The following NCOA7 variants were observed in gnomAD, a reference collection of about 807,000 sequenced individuals.
NCOA7 encodes 140 kDa estrogen receptor-associated protein.
In NCOA7, 45 loss-of-function variants were observed where a neutral mutation model predicts 104.3. The ratio of observed to expected loss-of-function variants is 0.43; its 90% CI spans 0.34 to 0.55. The LOEUF is 0.55. NCOA7 is among the 20% of genes least tolerant of loss of function. The pLI, the probability that NCOA7 is intolerant of heterozygous loss-of-function variation, is 0.02. For synonymous variants in NCOA7, 398 were observed against 402.3 expected (o/e 0.99, Z 0.13); for missense variants, 1,041 against 1,119.7 (o/e 0.93, Z 1.00).
intron 3 of NCOA7, among the ~76,000 whole-genome samples, chr6:125,869,089 C>A (rs745617878): frequency 3.9e-5 from 6 of 152,166 alleles, no homozygotes; most frequent in African/African-American, 7.2e-5. Context: ...CTTCCTATAT[C>A]TAAGTAGAAA....
chr6:125,921,623 T>G (rs553393823), intron 12 of NCOA7, among the ~76,000 whole-genome samples: 2 of 152,108 alleles, frequency 1.3e-5, no homozygotes, highest in Non-Finnish European at 2.9e-5. Context: ...AAAAAGCCAT[T>G]TCTAATCTTA....
At chr6:125,842,649 CAAT>C (rs1248870851) in intron 2 of NCOA7, among the ~76,000 whole-genome samples, 1 of 152,098 alleles carries the variant, frequency 6.6e-6, no homozygotes, top group African/African-American at 2.4e-5. Context: ...GGATTATAAA[CAAT>C]GATGAACTGA....
intron 2 of NCOA7, among the ~76,000 whole-genome samples, chr6:125,830,955 A>G (rs981705423): frequency 2.6e-5 from 4 of 151,936 alleles, no homozygotes; most frequent in Admixed American, 2.0e-4. Context: ...TTGAAGCCTG[A>G]TTTTTAACAT....
At chr6:125,901,431 A>G (rs1785490575) in intron 10 of NCOA7, among the ~76,000 whole-genome samples, 1 of 152,182 alleles carries the variant, frequency 6.6e-6, no homozygotes, top group Admixed American at 6.5e-5. Context: ...GAGATGAGAG[A>G]GTTCCCTTGA....
intron 10 of NCOA7, chr6:125,900,041 A>C (rs1212748919): frequency 1.9e-6 from 1 of 533,154 alleles, no homozygotes; most frequent in Admixed American, 1.9e-5. Context: ...CAGAAACAGT[A>C]ATGATTGCAA....
intron 2 of NCOA7, among the ~76,000 whole-genome samples, chr6:125,830,278 G>A (rs1014938086): frequency 2.6e-5 from 4 of 151,992 alleles, no homozygotes; most frequent in Admixed American, 6.5e-5. Context: ...GATGAGTATC[G>A]TACCTTTCCA....
intron 13 of NCOA7, 152 bp downstream of exon 13, chr6:125,922,986 T>C: frequency 1.5e-6 from 1 of 681,896 alleles, no homozygotes; most frequent in African/African-American, 1.8e-5. Context: ...TTTTCTCTGC[T>C]GAAATATTTT....
chr6:125,785,211 G>A (rs1015264127), intron 1 of NCOA7, among the ~76,000 whole-genome samples: 17 of 152,114 alleles, frequency 1.1e-4, no homozygotes, highest in East Asian at 1.9e-4. Flanking sequence ...GGTGGTGGGC[G>A]CCTGTAATCG....
chr6:125,870,178 A>C (rs761178150), intron 3 of NCOA7, among the ~76,000 whole-genome samples: 2 of 152,098 alleles, frequency 1.3e-5, no homozygotes, highest in Non-Finnish European at 2.9e-5. Flanking sequence ...CACATTTTTG[A>C]AACCTCATTT....
Position 125,885,244 on chromosome 6 carries a change from G to A in NCOA7, c.785G>A (p.Gly262Glu). ...TCTGATCCTCTGGTTATTGAAAATG[G>A]GTGTGAGGAGTATGGTCTCATCTGC... is the stretch of plus-strand genomic sequence containing the variant. ...HKSDPLVIEN[G>E]CEEYGLICPM... The change falls in exon 8 of 16, where the codon GGG becomes GAG. Residue 262 changes from glycine to glutamate, a missense_variant. Physicochemically the swap from Gly to Glu is moderately conservative, Grantham distance 98. Coordinates refer to ENST00000392477, the MANE Select transcript of NCOA7 (RefSeq NM_181782.5). The A allele has an allele frequency of 1.2e-6, 2 of 1,614,020 alleles. No homozygotes were observed. The highest frequency in any genetic ancestry group is 1.7e-5 in the Admixed American group (1 of 60,010).
intron 10 of NCOA7, among the ~76,000 whole-genome samples, chr6:125,895,993 G>A (rs958994809): frequency 6.8e-5 from 10 of 147,126 alleles, no homozygotes; most frequent in African/African-American, 2.5e-4. Flanking sequence ...GTGTGTGTCT[G>A]TGTGTGTATA....
intron 6 of NCOA7, among the ~76,000 whole-genome samples, chr6:125,882,149 C>T (rs1456661197): frequency 2.0e-5 from 3 of 152,144 alleles, no homozygotes; most frequent in African/African-American, 7.2e-5. Flanking sequence ...CCACCACACC[C>T]AGCCCATTTA....
At chr6:125,787,906 A>G (rs1432035070), upstream of NCOA7, among the ~76,000 whole-genome samples, 1 of 152,198 alleles carries the variant, frequency 6.6e-6, no homozygotes, top group Non-Finnish European at 1.5e-5. Context: ...CACCCTATAA[A>G]GTTGGTACTG....
Position 125,881,186 on chromosome 6 carries a change from G to A in NCOA7, c.556G>A (p.Glu186Lys). The A allele has an allele frequency of 6.2e-7, 1 of 1,611,386 alleles. No individual in the cohort carries two copies. The highest frequency in any genetic ancestry group is 8.5e-7 in the Non-Finnish European group (1 of 1,177,684). The change falls in exon 6 of 16, where the codon GAA becomes AAA. Residue 186 changes from glutamate (E) to lysine (K), a missense_variant. Coordinates refer to ENST00000392477, the MANE Select transcript of NCOA7 (RefSeq NM_181782.5). The part of the protein sequence containing the change: ...ATVSPSSSDA[E>K]YDKLPDADLA... ...TGTCTCTCCTTCATCATCAGATGCA[G>A]AATATGATAAATTGCCTGTATGTAT...
chr6:125,919,539 A>G (rs1285135325), intron 11 of NCOA7: 3 of 1,082,492 alleles, frequency 2.8e-6, no homozygotes, highest in African/African-American at 3.1e-5. Context: ...TTGTGCTGAC[A>G]TTTCTACCAG....
intron 1 of NCOA7, among the ~76,000 whole-genome samples, chr6:125,799,657 G>T (rs1200466291): frequency 6.6e-6 from 1 of 152,044 alleles, no homozygotes; most frequent in African/African-American, 2.4e-5. Context: ...GGTCAGGCTG[G>T]TCTCGAACTC....
rs1196881282 is a variant in NCOA7 at position 125,882,460 on chromosome 6, T to G, written c.608T>G (p.Ile203Ser). Residue 203 changes from isoleucine (I) to serine (S), a missense_variant, in exon 7 of 16, where the codon ATT (isoleucine) becomes AGT (serine). Transcript: ENST00000392477. ...ADLARKALKP[I>S]ERVLSSTSEE... ...TTAGCACGAAAGGCCTTGAAACCCATTGAAAGAGTCTTATCGTCTACTTCT... is the reference window on the plus strand; with the variant it reads ...TTAGCACGAAAGGCCTTGAAACCCAGTGAAAGAGTCTTATCGTCTACTTCT... 1 of 1,613,626 alleles carries G rather than the reference T, an allele frequency of 6.2e-7. No individual in the cohort carries two copies. The highest frequency in any genetic ancestry group is 2.2e-5 in the East Asian group (1 of 44,850).
chr6:125,787,326 T>C (rs890823925), upstream of NCOA7, among the ~76,000 whole-genome samples: 1 of 152,200 alleles, frequency 6.6e-6, no homozygotes, highest in Non-Finnish European at 1.5e-5. Flanking sequence ...TTTAGATAGA[T>C]AGGTAAGAAA....
upstream of NCOA7, among the ~76,000 whole-genome samples, chr6:125,787,561 G>A (rs1774530033): frequency 6.6e-6 from 1 of 152,120 alleles, no homozygotes; most frequent in Middle Eastern, 3.2e-3. Flanking sequence ...CTACTCCAAA[G>A]TCTCATCATA....
Sources: gnomAD v4.1 joint callset for allele counts (sites outside exome capture counted in the v4.1 genomes callset) on GRCh38, gnomAD v4.1.1 for gene constraint, MANE v1.5 for transcripts, NCBI Gene and HGNC (gene_info 2026-07-23, HGNC 2026-07-21) for gene names.